Variants in KIF6 observed in about 807,000 individuals in gnomAD.
KIF6 encodes kinesin family member 6.
KIF6 carries 106 observed loss-of-function variants against 112.7 expected under a neutral mutation model. The ratio of observed to expected loss-of-function variants is 0.94; its 90% confidence interval spans 0.80 to 1.11. The LOEUF is 1.11. Ranked by LOEUF, KIF6 falls within the 50% of genes least tolerant of loss-of-function variation. The pLI is 0.00. For missense variants in KIF6, 929 were observed against 964.0 expected, an observed-to-expected ratio of 0.96 and a Z score of 0.48; for synonymous variants, 339 against 339.9, an observed-to-expected ratio of 1.00 and a Z score of 0.03.
chr6:39,371,778 A>T (rs1024595028), intron 16 of KIF6, among the ~76,000 whole-genome samples: 1 of 152,068 alleles, frequency 6.6e-6, no homozygotes, highest in African/African-American at 2.4e-5. Context: ...AAATTGGGTA[A>T]GGAACCGCCC....
At chr6:39,512,151 G>A (rs1238311779) in intron 13 of KIF6, among the ~76,000 whole-genome samples, 4 of 152,192 alleles carry the variant, frequency 2.6e-5, no homozygotes, top group East Asian at 1.9e-4. Context: ...TCCAGAGGCT[G>A]CCGGTATAAA....
chr6:39,579,143 T>C (rs886793283), intron 9 of KIF6, among the ~76,000 whole-genome samples: 2 of 152,190 alleles, frequency 1.3e-5, no homozygotes, highest in Admixed American at 6.5e-5. Flanking sequence ...ATCTTGCCTT[T>C]ATTATATATT....
chr6:39,657,459 A>G (rs1003212171), intron 3 of KIF6, among the ~76,000 whole-genome samples: 7 of 152,028 alleles, frequency 4.6e-5, no homozygotes, highest in African/African-American at 1.7e-4. Flanking sequence ...AGTTCTGCTC[A>G]TTATTTAAAA....
chr6:39,445,494 C>T (rs1178776283), intron 13 of KIF6, among the ~76,000 whole-genome samples: 1 of 152,194 alleles, frequency 6.6e-6, no homozygotes, highest in East Asian at 1.9e-4. Flanking sequence ...ACACCCTTTT[C>T]TATGGTTAGT....
intron 13 of KIF6, among the ~76,000 whole-genome samples, chr6:39,496,480 T>A (rs1444572072): frequency 6.6e-6 from 1 of 152,096 alleles, no homozygotes; most frequent in Non-Finnish European, 1.5e-5. Flanking sequence ...TAACTTCCTT[T>A]TTTCCTTGAG....
At chr6:39,559,823 G>A (rs1582134763) in intron 10 of KIF6, among the ~76,000 whole-genome samples, 2 of 149,976 alleles carry the variant, frequency 1.3e-5, no homozygotes, top group Middle Eastern at 6.8e-3. Context: ...GTGTTAAGTG[G>A]TACTTTAAAA....
intron 3 of KIF6, among the ~76,000 whole-genome samples, chr6:39,700,141 A>G (rs1788796855): frequency 6.6e-6 from 1 of 152,236 alleles, no homozygotes; most frequent in Non-Finnish European, 1.5e-5. Flanking sequence ...TATCCTTTGT[A>G]TTACAAATAA....
chr6:39,603,720 A>G (rs983246873), intron 6 of KIF6, among the ~76,000 whole-genome samples: 13 of 151,948 alleles, frequency 8.6e-5, no homozygotes, highest in African/African-American at 3.1e-4. Flanking sequence ...TTCTGCTTTT[A>G]GTTAAACTAA....
At chr6:39,635,205 T>C (rs1784563623) in intron 4 of KIF6, among the ~76,000 whole-genome samples, 1 of 152,072 alleles carries the variant, frequency 6.6e-6, no homozygotes, top group Non-Finnish European at 1.5e-5. Flanking sequence ...TTCCACATTA[T>C]ACATAAAAAG....
Position 39,545,703 on chromosome 6 carries a change from T to C in KIF6, c.1182-15A>G, listed in dbSNP as rs1779037534. On this transcript the variant is annotated splice_polypyrimidine_tract_variant and intron_variant, in intron 10 of 22. Coordinates refer to ENST00000287152, the MANE Select transcript of KIF6 (RefSeq NM_145027.6). ...GTTTTTCCAGCCTAAAAATACATAA[T>C]GTATGAGAAGCAACTGTGAGCTAGA... 3.3e-6 allele frequency: 5 copies of C among 1,528,464 alleles called. No individual in the cohort carries two copies. Among genetic ancestry groups the C allele is most frequent in the Non-Finnish European group, 3.6e-6 (4 of 1,102,880 alleles). 94.7% of individuals were successfully genotyped at this position (1,528,464 alleles called of 1,614,324 possible).
intron 13 of KIF6, among the ~76,000 whole-genome samples, chr6:39,505,783 C>G (rs749494246): frequency 6.6e-6 from 1 of 152,136 alleles, no homozygotes. Context: ...TAGAGAAATG[C>G]AGATCAAAAC....
chr6:39,558,446 T>C (rs1342140632), intron 10 of KIF6, among the ~76,000 whole-genome samples: 1 of 152,170 alleles, frequency 6.6e-6, no homozygotes, highest in Non-Finnish European at 1.5e-5. Context: ...AATAAACATT[T>C]GTTTCAGGAA....
intron 10 of KIF6, among the ~76,000 whole-genome samples, chr6:39,569,854 C>T (rs1023666972): frequency 1.3e-5 from 2 of 152,228 alleles, no homozygotes; most frequent in African/African-American, 4.8e-5. Flanking sequence ...GTCTCTGAGC[C>T]TCCCAGCTCC....
intron 5 of KIF6, among the ~76,000 whole-genome samples, chr6:39,616,675 A>G (rs1373502651): frequency 2.0e-5 from 3 of 152,028 alleles, no homozygotes; most frequent in African/African-American, 7.2e-5. Flanking sequence ...CCTGCCTCCC[A>G]CTGAAAATCC....
chr6:39,668,257 A>G (rs1786599223), intron 3 of KIF6, among the ~76,000 whole-genome samples: 1 of 152,182 alleles, frequency 6.6e-6, no homozygotes, highest in African/African-American at 2.4e-5. Context: ...TGATCTAAAT[A>G]AACCTATTTA....
intron 16 of KIF6, among the ~76,000 whole-genome samples, chr6:39,363,598 T>A (rs531918747): frequency 1.8e-4 from 27 of 152,332 alleles, no homozygotes; most frequent in Admixed American, 9.2e-4. Flanking sequence ...GTGGTTGCCC[T>A]GCTTTTCTGA....
intron 13 of KIF6, among the ~76,000 whole-genome samples, chr6:39,524,136 G>C (rs1777566624): frequency 7.1e-6 from 1 of 140,954 alleles, no homozygotes; most frequent in Admixed American, 7.3e-5. Context: ...GTGTGTGTGT[G>C]TGTCTGTGTG....
intron 13 of KIF6, among the ~76,000 whole-genome samples, chr6:39,482,298 G>C (rs568351709): frequency 6.6e-6 from 1 of 152,170 alleles, no homozygotes; most frequent in South Asian, 2.1e-4. Flanking sequence ...CTGGTGAATT[G>C]CAGGGAGGTC....
At chr6:39,493,138 C>T (rs1203430036) in intron 13 of KIF6, among the ~76,000 whole-genome samples, 1 of 152,212 alleles carries the variant, frequency 6.6e-6, no homozygotes, top group Non-Finnish European at 1.5e-5. Flanking sequence ...GAATATCCTC[C>T]TCCTTGCTGC....
Sources: allele counts gnomAD v4.1 joint callset (sites outside exome capture counted in the v4.1 genomes callset), GRCh38; gene constraint gnomAD v4.1.1; transcripts MANE v1.5; gene names NCBI Gene and HGNC (gene_info 2026-07-23, HGNC 2026-07-21).